Variants in SERAC1 observed in about 807,000 individuals in gnomAD.
SERAC1 encodes protein SERAC1.
Under a neutral mutation model 85.7 loss-of-function variants are expected in SERAC1, and 36 were observed. That is an observed-to-expected ratio of 0.42 (90% CI 0.32 to 0.55). The LOEUF (loss-of-function observed/expected upper bound fraction) is 0.55, where lower values mean the gene tolerates loss of function less well. SERAC1 is among the 20% of genes least tolerant of loss of function. The probability of loss-of-function intolerance (pLI) is 0.11; values close to 1 mark genes in which losing one functional copy is unlikely to be tolerated. For synonymous variants in SERAC1, 242 were observed against 265.3 expected (o/e 0.91, Z 0.85); for missense variants, 629 against 796.2 (o/e 0.79, Z 2.53).
chr6:158,130,581 T>C, intron 8 of SERAC1, 95 bp from the exon 9 acceptor site: 1 of 703,314 alleles, frequency 1.4e-6, no homozygotes, highest in Non-Finnish European at 2.4e-6. Flanking sequence ...TAGATGGTGT[T>C]AGAAAATACT....
chr6:158,159,476 C>T (rs1273570899), intron 1 of SERAC1, among the ~76,000 whole-genome samples: 5 of 144,490 alleles, frequency 3.5e-5, no homozygotes, highest in Admixed American at 7.2e-5. Flanking sequence ...TCCAGCCTGT[C>T]GTCTCCAGCA....
rs776079458 is a variant in SERAC1, at chr6:158,158,352, A to T, written c.12T>A (p.Ala4=). The T allele has an allele frequency of 6.2e-7, 1 of 1,613,072 alleles. No homozygotes were observed. Among genetic ancestry groups the T allele is most frequent in the South Asian group, 1.1e-5 (1 of 90,998 alleles). Residue 4 remains alanine (A), a synonymous_variant, in exon 2 of 17, where the codon GCT becomes GCA. Transcript: ENST00000647468. Reference sequence around the variant, plus strand: ...TTCTGCAACAGATGACGCAATAAGCAGCCAGGGACATTCTGTGTAAGTAGA... The same window carrying T: ...TTCTGCAACAGATGACGCAATAAGCTGCCAGGGACATTCTGTGTAAGTAGA... MSL[A]AYCVICCRRI...
At chr6:158,150,067 A>C (rs1785166941) in intron 4 of SERAC1, among the ~76,000 whole-genome samples, 1 of 152,232 alleles carries the variant, frequency 6.6e-6, no homozygotes, top group South Asian at 2.1e-4. Context: ...ATTTATGAAT[A>C]TATCTCATGA....
chr6:158,145,370 G>A lies in SERAC1; in HGVS notation c.488-950C>T, dbSNP rs982174780. On this transcript the variant is annotated intron_variant, in intron 6 of 16. Transcript: ENST00000647468. ...ATAAGTCTGGAATGGAGCCCTGGAA[G>A]GCAAATTTTGAAAAATATTTCTATT... 8.5e-5 allele frequency: 13 copies of A among 152,208 alleles called. No homozygotes were observed. The East Asian group carries it at 2.1e-3, about 25-fold the overall frequency. 9.4% of individuals were successfully genotyped at this position (152,208 alleles called of 1,614,324 possible).
chr6:158,157,535 C>T (rs1004679654), intron 2 of SERAC1, among the ~76,000 whole-genome samples: 1 of 152,156 alleles, frequency 6.6e-6, no homozygotes, highest in African/African-American at 2.4e-5. Context: ...AGAATTGTAC[C>T]TGGCACACAG....
At chr6:158,135,756 G>A (rs528013328) in intron 8 of SERAC1, among the ~76,000 whole-genome samples, 2 of 152,298 alleles carry the variant, frequency 1.3e-5, no homozygotes, top group South Asian at 2.1e-4. Flanking sequence ...CCTGCAGAGA[G>A]ATGGAAAGTA....
At chr6:158,129,439 A>G (rs1784618460) in intron 9 of SERAC1, among the ~76,000 whole-genome samples, 1 of 152,220 alleles carries the variant, frequency 6.6e-6, no homozygotes, top group South Asian at 2.1e-4. Context: ...CTGGCTACAA[A>G]TGCAAATTCC....
At chr6:158,153,825 G>A (rs528684463) in intron 3 of SERAC1, among the ~76,000 whole-genome samples, 8 of 152,152 alleles carry the variant, frequency 5.3e-5, no homozygotes, top group Middle Eastern at 3.4e-3. Context: ...ACACAAAGAA[G>A]CCTCTTTAGA....
chr6:158,140,900 T>C (rs1326896134), intron 8 of SERAC1, among the ~76,000 whole-genome samples: 1 of 152,236 alleles, frequency 6.6e-6, no homozygotes, highest in Non-Finnish European at 1.5e-5. Context: ...AAAAATGCTT[T>C]GCTTTTTTCC....
intron 2 of SERAC1, among the ~76,000 whole-genome samples, chr6:158,155,735 T>G (rs1225015069): frequency 6.6e-6 from 1 of 152,204 alleles, no homozygotes. Context: ...ATTGTCCCTA[T>G]CACTACTAGG....
intron 8 of SERAC1, among the ~76,000 whole-genome samples, chr6:158,139,480 TCAA>T (rs1182912567): frequency 3.3e-5 from 5 of 152,238 alleles, no homozygotes; most frequent in East Asian, 1.9e-4. Flanking sequence ...CTCTTACAAT[TCAA>T]CAACAACAAC....
chr6:158,117,938 G>A lies in SERAC1; in HGVS notation c.1309-117C>T. ...TGCACTATAATTAAAGATAGCACTG[G>A]AATAAGGTTTGAAGGTACCGTAAAA... On this transcript the variant is annotated intron_variant, in intron 12 of 16. Transcript: ENST00000647468. The surrounding 1 kb of genome is among the most constrained non-coding windows in gnomAD (Gnocchi z 4.3). The A allele has an allele frequency of 1.3e-6, 1 of 769,738 alleles. No homozygotes were observed. 47.7% of individuals were successfully genotyped at this position (769,738 alleles called of 1,614,324 possible). A position where few individuals can be genotyped will look rare whatever the true frequency, so the allele number is the denominator to read the frequency against.
intron 1 of SERAC1, chr6:158,162,039 G>A (rs1175772228): frequency 6.6e-6 from 1 of 152,158 alleles, no homozygotes; most frequent in Non-Finnish European, 1.5e-5. Flanking sequence ...GAATGACCCT[G>A]GTACTTCCCC....
intron 1 of SERAC1, among the ~76,000 whole-genome samples, chr6:158,164,563 G>A (rs995602008): frequency 4.6e-5 from 7 of 151,958 alleles, no homozygotes; most frequent in Non-Finnish European, 1.0e-4. Context: ...TTGAGACTAA[G>A]AAAGACACAG....
intron 1 of SERAC1, among the ~76,000 whole-genome samples, chr6:158,160,313 GC>G (rs1405516943): frequency 6.6e-6 from 1 of 151,892 alleles, no homozygotes; most frequent in Non-Finnish European, 1.5e-5. Context: ...AGAAAAATCT[GC>G]CCTTGCTTTC....
rs768702081 is a variant in SERAC1, at chr6:158,143,333, CTCTCTCTCTCTCTCTATATATATA to C, written c.610-173_610-150del. ...TCTCTCTCTCTCTCTCTCTCTCTCT[CTCTCTCTCTCTCTCTATATATATA>C]TATATATATATATATATACACACAC... On this transcript the variant is annotated intron_variant, in intron 7 of 16. Coordinates refer to ENST00000647468, the MANE Select transcript of SERAC1 (RefSeq NM_032861.4). 0.053 allele frequency: 9,022 copies of C among 169,104 alleles called. 134 individuals are homozygous for C. Among genetic ancestry groups the C allele is most frequent in the Admixed American group, 0.058 (551 of 9,434 alleles). 10.5% of individuals were successfully genotyped at this position (169,104 alleles called of 1,614,324 possible).
rs1784120339 is a variant in SERAC1 at position 158,110,524 on chromosome 6, T to A, written c.*842A>T. 1 of 152,206 alleles carries A rather than the reference T, an allele frequency of 6.6e-6. No homozygotes were observed. Among genetic ancestry groups the A allele is most frequent in the African/African-American group, 2.4e-5 (1 of 41,452 alleles). The allele number at this position is 152,206 out of a possible 1,614,324, so 9.4% of individuals were successfully genotyped here. ...ATGATTATCTACTACTCACATGCTA[T>A]AGAGGTCAATTAATACCACTTGCAA... On this transcript the variant is annotated 3_prime_UTR_variant, in exon 17 of 17. Transcript: ENST00000647468.
chr6:158,139,905 C>A (rs528766142), intron 8 of SERAC1, among the ~76,000 whole-genome samples: 1 of 152,290 alleles, frequency 6.6e-6, no homozygotes, highest in Admixed American at 6.5e-5. Flanking sequence ...ACTTCACACA[C>A]AATGGGATGG....
At chr6:158,159,877 C>A (rs1022796303) in intron 1 of SERAC1, among the ~76,000 whole-genome samples, 1 of 152,204 alleles carries the variant, frequency 6.6e-6, no homozygotes, top group Non-Finnish European at 1.5e-5. Flanking sequence ...CCACCCGCCT[C>A]GGCCTCCCGA....
Sources: allele counts gnomAD v4.1 joint callset (sites outside exome capture counted in the v4.1 genomes callset), GRCh38; gene constraint gnomAD v4.1.1; non-coding constraint Gnocchi (gnomAD v3.1); transcripts MANE v1.5; gene names NCBI Gene and HGNC (gene_info 2026-07-23, HGNC 2026-07-21).